ASPA: variants seen among roughly 807,000 people sequenced by gnomAD.
The protein encoded by ASPA is ACY-2.
A neutral mutation model predicts 29.6 loss-of-function variants in ASPA; 25 were observed. The ratio of observed to expected loss-of-function variants is 0.85; its 90% CI spans 0.62 to 1.18. ASPA has a LOEUF of 1.18. ASPA is among the 50% of genes most tolerant of loss of function. The pLI, the probability that ASPA is intolerant of heterozygous loss-of-function variation, is 0.00. For missense variants in ASPA, 333 were observed against 385.7 expected (o/e 0.86, Z 1.14); for synonymous variants, 131 against 130.3 (o/e 1.01, Z -0.04).
rs183988490 is a variant in ASPA, at chr17:3,493,422, G to A, written c.635-928G>A. 7.9e-3 allele frequency among the ~76,000 whole-genome samples: 1,202 copies of A among 152,020 alleles called. 11 individuals are homozygous for A. The highest frequency in any genetic ancestry group is 0.021 in the South Asian group (102 of 4,818). ...CTAAAAATACAAAAATTAGCCGGGC[G>A]TGGTGGTGCATGCCCATAGTCCCAG... On this transcript the variant is annotated intron_variant, in intron 4 of 5. Transcript: ENST00000263080.
chr17:3,483,701 C>CTCA, intron 3 of ASPA, 109 bp downstream of exon 3: 2 of 1,114,816 alleles, frequency 1.8e-6, no homozygotes, highest in Non-Finnish European at 1.3e-6. Context: ...CTTGCTCTGT[C>CTCA]ACCCAGGCTG....
chr17:3,489,364 G>A (rs1489481884), intron 4 of ASPA, 22 bp downstream of exon 4: 17 of 1,547,270 alleles, frequency 1.1e-5, no homozygotes, highest in East Asian at 4.5e-5. Flanking sequence ...TGAAGGTAAC[G>A]TTATCAAACT....
At chr17:3,482,955 T>G (rs2073658930) in intron 2 of ASPA, among the ~76,000 whole-genome samples, 2 of 109,342 alleles carry the variant, frequency 1.8e-5, no homozygotes, top group African/African-American at 7.2e-5. Context: ...CCCACCCCAA[T>G]TCTTCATTGC....
chr17:3,476,505 G>A (rs772312137), intron 1 of ASPA, 110 bp downstream of exon 1: 4 of 1,000,006 alleles, frequency 4.0e-6, no homozygotes, highest in South Asian at 1.3e-5. Context: ...GTCCGTACAT[G>A]CAGTCGTATG....
rs532157464 is a variant in ASPA at position 3,502,121 on chromosome 17, A to C, written c.*3033A>C. The C allele has an allele frequency of 6.6e-6, 1 of 152,338 alleles. No homozygotes were observed. Among genetic ancestry groups the C allele is most frequent in the Non-Finnish European group, 1.5e-5 (1 of 68,034 alleles). 9.4% of individuals were successfully genotyped at this position (152,338 alleles called of 1,614,324 possible). On this transcript the variant is annotated 3_prime_UTR_variant, in exon 6 of 6. Transcript: ENST00000263080. ...CCATCCCAACCCTCAGTGCCCAACC[A>C]CCCTGATCAGGCAGCCATCATCAAG... is the stretch of plus-strand genomic sequence containing the variant.
chr17:3,497,191 C>T (rs564568383), intron 5 of ASPA, among the ~76,000 whole-genome samples: 2 of 152,270 alleles, frequency 1.3e-5, no homozygotes, highest in East Asian at 1.9e-4. Context: ...GTCTGGATAG[C>T]ACTGCACAAT....
intron 1 of ASPA, among the ~76,000 whole-genome samples, chr17:3,477,425 C>T (rs949030236): frequency 6.6e-6 from 1 of 152,116 alleles, no homozygotes; most frequent in African/African-American, 2.4e-5. Context: ...TATAATATGA[C>T]TCCACATATT....
intron 4 of ASPA, among the ~76,000 whole-genome samples, chr17:3,489,719 G>C (rs374451414): frequency 1.3e-5 from 2 of 152,206 alleles, no homozygotes; most frequent in African/African-American, 4.8e-5. Flanking sequence ...GTTGGTAAAT[G>C]TGTAGGAAAA....
chr17:3,486,267 C>T (rs1409078566), intron 3 of ASPA, among the ~76,000 whole-genome samples: 2 of 152,144 alleles, frequency 1.3e-5, no homozygotes, highest in East Asian at 3.9e-4. Flanking sequence ...GCAGTAGGCA[C>T]GAGTGCCCTT....
rs34972440 is a variant in ASPA, at chr17:3,500,950, GA to G, written c.*1873del. ...CCCACTGTTGAGACCTACTGCTTGG[GA>G]AAAAAAAAAATTCCTTTCAAAATAC... is the stretch of plus-strand genomic sequence containing the variant. On this transcript the variant is annotated 3_prime_UTR_variant, in exon 6 of 6. Transcript: ENST00000263080. The G allele has an allele frequency of 0.74, 111,791 of 150,268 alleles. 43,327 individuals carry two copies. Among genetic ancestry groups the G allele is most frequent in the Non-Finnish European group, 0.85 (57,773 of 67,750 alleles). The allele number at this position is 150,268 out of a possible 1,614,324, so 9.3% of individuals were successfully genotyped here.
chr17:3,475,967 T>C, upstream of ASPA: 1 of 606,404 alleles, frequency 1.6e-6, no homozygotes, highest in South Asian at 2.0e-5. Flanking sequence ...AGGGCAGGGC[T>C]AAAGAAGGGA....
chr17:3,494,852 T>C (rs542808254), intron 5 of ASPA, among the ~76,000 whole-genome samples: 1 of 152,198 alleles, frequency 6.6e-6, no homozygotes. Flanking sequence ...ATGTCTATTT[T>C]AATATAAGGA....
rs974368086 is a variant in ASPA at position 3,499,161 on chromosome 17, G to A, written c.*73G>A. On this transcript the variant is annotated 3_prime_UTR_variant, in exon 6 of 6. Transcript: ENST00000263080. Reference sequence around the variant, plus strand: ...AGTCTGTAAGCTCCTTAAGAGTAGGGTTGTGCCTTATTCAACTGCATACAT... The same window carrying A: ...AGTCTGTAAGCTCCTTAAGAGTAGGATTGTGCCTTATTCAACTGCATACAT... The A allele has an allele frequency of 1.2e-5, 19 of 1,522,222 alleles. No homozygotes were observed. The African/African-American group carries it at 2.2e-4, about 18-fold the overall frequency. The allele number at this position is 1,522,222 out of a possible 1,614,324, so 94.3% of individuals were successfully genotyped here.
chr17:3,486,171 T>A (rs2073717997), intron 3 of ASPA, among the ~76,000 whole-genome samples: 1 of 152,112 alleles, frequency 6.6e-6, no homozygotes, highest in South Asian at 2.1e-4. Context: ...TGACCTCAGG[T>A]GATCCACCCG....
chr17:3,490,075 T>C lies in ASPA; in HGVS notation c.634+733T>C, dbSNP rs1222946357. Among the ~76,000 whole-genome samples the C allele has an allele frequency of 6.6e-6, 1 of 152,124 alleles. No homozygotes were observed. The highest frequency in any genetic ancestry group is 1.9e-4 in the East Asian group (1 of 5,200). On this transcript the variant is annotated intron_variant, in intron 4 of 5. Coordinates refer to ENST00000263080, the MANE Select transcript of ASPA (RefSeq NM_000049.4). The surrounding 1 kb of genome is among the most constrained non-coding windows in gnomAD (Gnocchi z 4.6). ...ACACCAATTGGCTTTAAAATAACAA[T>C]AATAATCATCACCTTCTAGGATACA...
At chr17:3,486,050 A>T (rs1597435341) in intron 3 of ASPA, among the ~76,000 whole-genome samples, 3 of 151,460 alleles carry the variant, frequency 2.0e-5, no homozygotes, top group African/African-American at 4.9e-5. Flanking sequence ...CTCCTGCCTC[A>T]GCCTCCTGAG....
chr17:3,475,293 G>A (rs1335574654), upstream of ASPA: 1 of 152,232 alleles, frequency 6.6e-6, no homozygotes, highest in Non-Finnish European at 1.5e-5. Flanking sequence ...CCCGCTGACA[G>A]TGAATAAGGC....
chr17:3,479,144 T>C (rs2073583935), intron 1 of ASPA, among the ~76,000 whole-genome samples: 1 of 152,204 alleles, frequency 6.6e-6, no homozygotes, highest in Non-Finnish European at 1.5e-5. Context: ...ATAGATTTAA[T>C]CAACTTAGTA....
At chr17:3,495,783 G>C (rs2073898932) in intron 5 of ASPA, among the ~76,000 whole-genome samples, 1 of 152,126 alleles carries the variant, frequency 6.6e-6, no homozygotes, top group Non-Finnish European at 1.5e-5. Flanking sequence ...TGGCCAGGAT[G>C]GTCTCAATCT....
Sources: allele counts gnomAD v4.1 joint callset (sites outside exome capture counted in the v4.1 genomes callset), GRCh38; gene constraint gnomAD v4.1.1; non-coding constraint Gnocchi (gnomAD v3.1); transcripts MANE v1.5; gene names NCBI Gene and HGNC (gene_info 2026-07-23, HGNC 2026-07-21).